ATOSA: variants seen among roughly 807,000 people sequenced by gnomAD.
ATOSA encodes atos homolog protein A.
chr15:52,606,915 G>A, the ATOSA span, among the ~76,000 whole-genome samples: 1 of 152,142 alleles, frequency 6.6e-6, no homozygotes, highest in Non-Finnish European at 1.5e-5. Flanking sequence ...ATATAATTGA[G>A]ATACTGCTTG....
At chr15:52,607,239 C>A in the ATOSA span, among the ~76,000 whole-genome samples, 1 of 152,126 alleles carries the variant, frequency 6.6e-6, no homozygotes, top group African/African-American at 2.4e-5. Flanking sequence ...TCCCTATAGA[C>A]ACTTTGAAAG....
At chr15:52,657,893 T>C in the ATOSA span, 2 of 152,254 alleles carry the variant, frequency 1.3e-5, no homozygotes. Flanking sequence ...TCAGTCATCA[T>C]TGCTTATAGC....
chr15:52,703,732 AC>A, the ATOSA span, among the ~76,000 whole-genome samples: 1 of 152,154 alleles, frequency 6.6e-6, no homozygotes, highest in Non-Finnish European at 1.5e-5. Flanking sequence ...TAGGAGAAAT[AC>A]CTAATGTAAA....
At chr15:52,655,987 CATG>C in the ATOSA span, 1 of 152,092 alleles carries the variant, frequency 6.6e-6, no homozygotes, top group East Asian at 1.9e-4. Flanking sequence ...ATCAGGTCTA[CATG>C]ATGTGACCAT....
chr15:52,611,775 G>A, the ATOSA span: 1 of 1,612,924 alleles, frequency 6.2e-7, no homozygotes, highest in East Asian at 2.2e-5. Context: ...TGGCTTGGCG[G>A]CACTTAGAGA....
the ATOSA span, among the ~76,000 whole-genome samples, chr15:52,632,345 TA>T: frequency 6.6e-6 from 1 of 152,192 alleles, no homozygotes; most frequent in African/African-American, 2.4e-5. Context: ...CCATAAAAGT[TA>T]ATTTTATTAA....
At chr15:52,641,450 G>A in the ATOSA span, among the ~76,000 whole-genome samples, 2 of 152,308 alleles carry the variant, frequency 1.3e-5, no homozygotes, top group Admixed American at 1.3e-4. Flanking sequence ...GGGGAGGGTA[G>A]ACCATGTTCC....
chr15:52,651,486 G>A, the ATOSA span, among the ~76,000 whole-genome samples: 3 of 152,118 alleles, frequency 2.0e-5, no homozygotes, highest in African/African-American at 7.2e-5. Context: ...AAATACATTT[G>A]TCTTAACAGC....
chr15:52,611,054 A>C, the ATOSA span: 1 of 1,459,088 alleles, frequency 6.9e-7, no homozygotes, highest in African/African-American at 1.4e-5. Flanking sequence ...AATCTATTTA[A>C]AAGGTAAAAT....
At chr15:52,585,195 CATAT>C in the ATOSA span, 1 of 310,772 alleles carries the variant, frequency 3.2e-6, no homozygotes, top group Non-Finnish European at 5.9e-6. Flanking sequence ...TCACAAATTT[CATAT>C]ATATAAATTT....
chr15:52,595,989 G>A, the ATOSA span, among the ~76,000 whole-genome samples: 21 of 151,984 alleles, frequency 1.4e-4, no homozygotes, highest in Non-Finnish European at 1.8e-4. Context: ...TGGTACAAGC[G>A]TAGAGTCCTA....
chr15:52,692,660 C>G, the ATOSA span, among the ~76,000 whole-genome samples: 2 of 151,720 alleles, frequency 1.3e-5, no homozygotes, highest in African/African-American at 4.8e-5. Flanking sequence ...AGCCTGAAAA[C>G]TACCTCTTTT....
chr15:52,658,509 G>C, the ATOSA span: 31 of 381,400 alleles, frequency 8.1e-5, no homozygotes, highest in Non-Finnish European at 1.2e-4. Flanking sequence ...GCACCTAAGA[G>C]AGGAAACATC....
chr15:52,698,320 C>T, the ATOSA span, among the ~76,000 whole-genome samples: 2 of 151,898 alleles, frequency 1.3e-5, no homozygotes. Context: ...GGAACATGCA[C>T]AATGATACAA....
chr15:52,605,520 G>A, the ATOSA span, among the ~76,000 whole-genome samples: 25 of 152,152 alleles, frequency 1.6e-4, no homozygotes, highest in African/African-American at 2.4e-4. Flanking sequence ...GAAACATTCC[G>A]ATGAAAATTT....
chr15:52,609,513 A>G, the ATOSA span: 2 of 1,613,174 alleles, frequency 1.2e-6, no homozygotes, highest in South Asian at 1.1e-5. Flanking sequence ...TCTCTCCAAC[A>G]GGCATATGAG....
the ATOSA span, among the ~76,000 whole-genome samples, chr15:52,622,307 C>A: frequency 6.6e-6 from 1 of 152,106 alleles, no homozygotes; most frequent in Non-Finnish European, 1.5e-5. Flanking sequence ...TAGGTAAGAA[C>A]TGGAATCTCA....
chr15:52,663,786 AT>A, the ATOSA span, among the ~76,000 whole-genome samples: 8 of 150,602 alleles, frequency 5.3e-5, no homozygotes, highest in South Asian at 2.1e-4. Context: ...AGCCCAGCTA[AT>A]TTTTTTTTTA....
the ATOSA span, among the ~76,000 whole-genome samples, chr15:52,654,980 C>A: frequency 6.6e-6 from 1 of 151,962 alleles, no homozygotes; most frequent in Non-Finnish European, 1.5e-5. Flanking sequence ...CCTACTGGCC[C>A]ATGGGCCAGG....
Sources: gnomAD v4.1 joint callset for allele counts (sites outside exome capture counted in the v4.1 genomes callset) on GRCh38, gnomAD v4.1.1 for gene constraint, MANE v1.5 for transcripts, NCBI Gene and HGNC (gene_info 2026-07-23, HGNC 2026-07-21) for gene names.